The following CDC42BPA variants were observed in gnomAD, a reference collection of about 807,000 sequenced individuals.
CDC42BPA encodes CDC42 binding protein kinase alpha, also known as serine/threonine-protein kinase MRCK alpha.
Under a neutral mutation model 223.5 loss-of-function variants are expected in CDC42BPA, and 80 were observed. The ratio of observed to expected loss-of-function variants is 0.36; its 90% confidence interval spans 0.30 to 0.43. CDC42BPA has a LOEUF of 0.43. CDC42BPA is among the 20% of genes least tolerant of loss of function. The probability of loss-of-function intolerance (pLI) is 1.00; values close to 1 mark genes in which losing one functional copy is unlikely to be tolerated. For missense variants in CDC42BPA, 1,743 were observed against 2,099.9 expected, an observed-to-expected ratio of 0.83 and a Z score of 3.32; for synonymous variants, 694 against 718.6, an observed-to-expected ratio of 0.97 and a Z score of 0.55.
chr1:227,316,182 A>ACTT (rs1328709080), intron 1 of CDC42BPA, among the ~76,000 whole-genome samples: 1 of 152,146 alleles, frequency 6.6e-6, no homozygotes, highest in African/African-American at 2.4e-5. Flanking sequence ...GCAACAGTGA[A>ACTT]CTTCTGGACC....
chr1:227,270,765 GCC>G (rs1156452497), intron 1 of CDC42BPA, among the ~76,000 whole-genome samples: 1 of 151,974 alleles, frequency 6.6e-6, no homozygotes, highest in African/African-American at 2.4e-5. Context: ...CACATCCCAT[GCC>G]TGGTAACCAC....
chr1:227,013,846 C>A (rs972906626), intron 34 of CDC42BPA, among the ~76,000 whole-genome samples: 6 of 151,804 alleles, frequency 4.0e-5, no homozygotes, highest in Non-Finnish European at 8.8e-5. Flanking sequence ...ATCCTGCTAC[C>A]CCTACATAAT....
intron 3 of CDC42BPA, 34 bp downstream of exon 3, chr1:227,213,102 A>G (rs1674218825): frequency 4.0e-6 from 4 of 1,003,840 alleles, no homozygotes; most frequent in Non-Finnish European, 6.0e-6. Flanking sequence ...ATATTTCTAA[A>G]ATATTTATAT....
chr1:227,232,870 T>C (rs1331586997), intron 2 of CDC42BPA, among the ~76,000 whole-genome samples: 9 of 152,232 alleles, frequency 5.9e-5, no homozygotes, highest in Non-Finnish European at 2.9e-5. Context: ...AGGGACCCAC[T>C]TGAGGAGGCA....
At chr1:227,047,504 A>C (rs1189886340) in intron 23 of CDC42BPA, among the ~76,000 whole-genome samples, 1 of 152,158 alleles carries the variant, frequency 6.6e-6, no homozygotes, top group Non-Finnish European at 1.5e-5. Context: ...CAAGCAACTA[A>C]ATCTTCTCAT....
chr1:227,152,565 C>A (rs61494318), intron 6 of CDC42BPA, among the ~76,000 whole-genome samples: 4,815 of 151,942 alleles, frequency 0.032, 226 homozygotes, highest in African/African-American at 0.11. Context: ...AACTTCCAAA[C>A]AAAGAGAAAT....
chr1:227,117,548 C>T (rs1051753176), intron 12 of CDC42BPA, among the ~76,000 whole-genome samples: 1 of 152,104 alleles, frequency 6.6e-6, no homozygotes, highest in Non-Finnish European at 1.5e-5. Context: ...CTCCTGGACT[C>T]AAGTGATCCT....
At chr1:227,095,058 T>C (rs1260124717) in intron 15 of CDC42BPA, among the ~76,000 whole-genome samples, 2 of 152,360 alleles carry the variant, frequency 1.3e-5, no homozygotes, top group Non-Finnish European at 2.9e-5. Flanking sequence ...ATTGCCTGAT[T>C]TTATTGAAAA....
At chr1:227,106,419 T>G (rs912095362) in intron 14 of CDC42BPA, among the ~76,000 whole-genome samples, 1 of 152,170 alleles carries the variant, frequency 6.6e-6, no homozygotes, top group African/African-American at 2.4e-5. Context: ...TGTCCTTTGA[T>G]ACCATACACA....
intron 12 of CDC42BPA, among the ~76,000 whole-genome samples, chr1:227,115,686 C>T (rs1042777877): frequency 6.6e-6 from 1 of 151,918 alleles, no homozygotes; most frequent in Non-Finnish European, 1.5e-5. Context: ...ACAGATACCA[C>T]GTAGAGCAAG....
intron 35 of CDC42BPA, chr1:227,004,058 T>TTG (rs935346678): frequency 3.3e-5 from 5 of 151,076 alleles, no homozygotes; most frequent in Non-Finnish European, 5.9e-5. Context: ...AGATACATTT[T>TTG]TTTTTTTTTT....
chr1:227,100,568 T>C (rs1489146765), intron 15 of CDC42BPA, among the ~76,000 whole-genome samples: 3 of 151,848 alleles, frequency 2.0e-5, no homozygotes, highest in East Asian at 1.9e-4. Context: ...TTCTTACTAA[T>C]TATATCTCAG....
At chr1:227,265,957 G>A (rs373236348) in intron 1 of CDC42BPA, among the ~76,000 whole-genome samples, 2 of 152,036 alleles carry the variant, frequency 1.3e-5, no homozygotes, top group East Asian at 1.9e-4. Flanking sequence ...CAAGAATTCC[G>A]GGGATTAAGT....
intron 7 of CDC42BPA, 124 bp from the exon 8 acceptor site, chr1:227,145,861 G>A (rs977002990): frequency 5.7e-6 from 4 of 704,214 alleles, no homozygotes; most frequent in African/African-American, 3.6e-5. Flanking sequence ...GCATGTTGGT[G>A]CAAAGTACTA....
At chr1:227,152,584 T>C (rs1490918184) in intron 6 of CDC42BPA, among the ~76,000 whole-genome samples, 2 of 152,084 alleles carry the variant, frequency 1.3e-5, no homozygotes, top group Non-Finnish European at 1.5e-5. Context: ...ATTTAAAAGC[T>C]AAACTTGATC....
At chr1:227,269,134 C>A (rs1455789576) in intron 1 of CDC42BPA, among the ~76,000 whole-genome samples, 1 of 152,186 alleles carries the variant, frequency 6.6e-6, no homozygotes, top group Non-Finnish European at 1.5e-5. Flanking sequence ...TCAGCCCTTG[C>A]ATAATCAAAA....
intron 6 of CDC42BPA, among the ~76,000 whole-genome samples, chr1:227,156,714 A>G (rs1469106964): frequency 6.6e-6 from 1 of 152,194 alleles, no homozygotes; most frequent in Non-Finnish European, 1.5e-5. Context: ...TTGCATTTCG[A>G]ATGCATTCAA....
rs530517504 is a variant in CDC42BPA, at chr1:227,145,328, A to G, written c.1143+161T>C. Among the ~76,000 whole-genome samples the G allele has an allele frequency of 2.0e-5, 3 of 152,262 alleles. No homozygotes were observed. The South Asian group carries it at 6.2e-4, about 32-fold the overall frequency. The stretch of plus-strand genomic sequence containing the variant: ...TTCACCTCAGTTAACTTTCTTCTTA[A>G]TTTGATTTGTGACAGAATAAGCACC... On this transcript the variant is annotated intron_variant, in intron 8 of 36. Coordinates refer to ENST00000366766, the MANE Select transcript of CDC42BPA (RefSeq NM_001394014.1).
rs973803227 is a variant in CDC42BPA, at chr1:227,112,556, G to A, written c.1890+115C>T. 6 of 913,054 alleles carry A rather than the reference G, an allele frequency of 6.6e-6. No homozygotes were observed. The East Asian group carries it at 1.6e-4, about 24-fold the overall frequency. The allele number at this position is 913,054 out of a possible 1,614,324, so 56.6% of individuals were successfully genotyped here. On this transcript the variant is annotated intron_variant, in intron 13 of 36. Coordinates refer to ENST00000366766, the MANE Select transcript of CDC42BPA (RefSeq NM_001394014.1). ...TAAATCCATATTAAATAATATTAAT[G>A]AACTATAAAAATAACTTTAGAAATA... is the stretch of plus-strand genomic sequence containing the variant.
Sources: allele counts gnomAD v4.1 joint callset (sites outside exome capture counted in the v4.1 genomes callset), GRCh38; gene constraint gnomAD v4.1.1; transcripts MANE v1.5; gene names NCBI Gene and HGNC (gene_info 2026-07-23, HGNC 2026-07-21).